OR4K1: variants seen among roughly 807,000 people sequenced by gnomAD.
OR4K1 encodes the protein olfactory receptor family 4 subfamily K member 1.
A neutral mutation model predicts 14.4 loss-of-function variants in OR4K1; 16 were observed. That is an observed-to-expected ratio of 1.11 (90% CI 0.75 to 1.68). The LOEUF (loss-of-function observed/expected upper bound fraction) is 1.68, where lower values mean the gene tolerates loss of function less well. Among genes scored for constraint, OR4K1 ranks in the 40% most tolerant of loss-of-function variants. OR4K1 has a pLI of 0.00. For missense variants in OR4K1, 548 were observed against 376.9 expected, an observed-to-expected ratio of 1.45 and a Z score of -3.76; for synonymous variants, 181 against 133.1, an observed-to-expected ratio of 1.36 and a Z score of -2.48.
At chr14:19,934,255 G>A (rs900499358) in intron 1 of OR4K1, among the ~76,000 whole-genome samples, 3 of 152,214 alleles carry the variant, frequency 2.0e-5, no homozygotes, top group Non-Finnish European at 4.4e-5. Flanking sequence ...TTTTCTCTGT[G>A]ACCAAGTGGC....
In OR4K1 at chr14:19,936,498, T is replaced by C. The variant is rs1882329145; in HGVS notation, c.832T>C (p.Cys278Arg). 6.2e-7 allele frequency: 1 copy of C among 1,613,956 alleles called. No homozygotes were observed. ...ATTTCTTTCTGTGTTCTACACTGTT[T>C]GTACTCCCTTGTTGAACCCCATCAT... ...DKFLSVFYTV[C>R]TPLLNPIIYS... Residue 278 changes from cysteine to arginine, a missense_variant, in exon 2 of 2, where the codon TGT becomes CGT. Physicochemically the swap from Cys to Arg is radical, Grantham distance 180. Coordinates refer to ENST00000641172, the MANE Select transcript of OR4K1 (RefSeq NM_001004063.3).
the OR4K1 span, chr14:19,921,371 C>T: frequency 3.1e-6 from 5 of 1,614,042 alleles, no homozygotes; most frequent in African/African-American, 6.7e-5. Flanking sequence ...GACCTTGCAT[C>T]TTCATCTATG....
the OR4K1 span, among the ~76,000 whole-genome samples, chr14:19,925,082 C>T: frequency 1.3e-5 from 2 of 152,078 alleles, no homozygotes; most frequent in East Asian, 3.8e-4. Context: ...CTCTGGTTTA[C>T]AGATCCTATA....
intron 1 of OR4K1, among the ~76,000 whole-genome samples, chr14:19,932,526 T>C (rs2138592369): frequency 6.6e-6 from 1 of 152,356 alleles, no homozygotes; most frequent in East Asian, 1.9e-4. Context: ...GTCAAGGAAC[T>C]GTTCATTCCA....
chr14:19,933,741 T>G (rs1882238784), intron 1 of OR4K1, among the ~76,000 whole-genome samples: 1 of 152,262 alleles, frequency 6.6e-6, no homozygotes, highest in South Asian at 2.1e-4. Flanking sequence ...TACAAGTGTG[T>G]GCCACCACAC....
chr14:19,921,226 C>A, the OR4K1 span: 1 of 1,614,188 alleles, frequency 6.2e-7, no homozygotes, highest in South Asian at 1.1e-5. Context: ...GGAATTCTTT[C>A]CCTAAGCACT....
intron 1 of OR4K1, among the ~76,000 whole-genome samples, chr14:19,932,926 A>G (rs1269469362): frequency 6.6e-6 from 1 of 151,720 alleles, no homozygotes; most frequent in Non-Finnish European, 1.5e-5. Flanking sequence ...TATAGCAAAT[A>G]TTAGAAAATG....
chr14:19,923,955 C>A, the OR4K1 span, among the ~76,000 whole-genome samples: 7 of 152,168 alleles, frequency 4.6e-5, no homozygotes, highest in African/African-American at 1.4e-4. Flanking sequence ...GATACAGATA[C>A]TTTTAAGTAT....
chr14:19,920,592 T>A, the OR4K1 span: 1 of 1,581,620 alleles, frequency 6.3e-7, no homozygotes, highest in South Asian at 1.2e-5. Flanking sequence ...CAGAACAAGT[T>A]TGCAGCTTGG....
At chr14:19,921,243 C>T in the OR4K1 span, 294 of 1,614,152 alleles carry the variant, frequency 1.8e-4, no homozygotes, top group Admixed American at 1.6e-3. Flanking sequence ...CACTTTCTCT[C>T]TCTTGGTCAG....
chr14:19,930,560 T>C (rs972990149), upstream of OR4K1, among the ~76,000 whole-genome samples: 1 of 152,178 alleles, frequency 6.6e-6, no homozygotes, highest in African/African-American at 2.4e-5. Context: ...CTCCTTGTGA[T>C]TGGAGGAAAC....
At chr14:19,925,925 C>T (rs1050199413), upstream of OR4K1, among the ~76,000 whole-genome samples, 3 of 152,200 alleles carry the variant, frequency 2.0e-5, no homozygotes, top group African/African-American at 7.2e-5. Context: ...CAGAGTCCTC[C>T]AGGAAAAAAC....
the OR4K1 span, chr14:19,921,524 G>C: frequency 6.2e-7 from 1 of 1,613,530 alleles, no homozygotes; most frequent in Non-Finnish European, 8.5e-7. Flanking sequence ...ACCATTACCT[G>C]AGGCCAAGGA....
the OR4K1 span, chr14:19,921,630 G>A: frequency 6.6e-7 from 1 of 1,518,774 alleles, no homozygotes; most frequent in Admixed American, 2.1e-5. Flanking sequence ...ATATTTTAAT[G>A]TATTTTTGTG....
chr14:19,920,917 T>G, the OR4K1 span: 1 of 1,614,218 alleles, frequency 6.2e-7, no homozygotes, highest in Non-Finnish European at 8.5e-7. Flanking sequence ...ATTTTCTTTA[T>G]TCACCTTTTT....
chr14:19,934,946 T>C (rs1882271206), intron 1 of OR4K1, among the ~76,000 whole-genome samples: 1 of 152,230 alleles, frequency 6.6e-6, no homozygotes, highest in Admixed American at 6.5e-5. Context: ...GTGCTGGGAT[T>C]ACAGGCATGA....
upstream of OR4K1, among the ~76,000 whole-genome samples, chr14:19,930,100 T>G (rs1882153042): frequency 6.6e-6 from 1 of 151,826 alleles, no homozygotes; most frequent in Non-Finnish European, 1.5e-5. Flanking sequence ...TTCATCACAC[T>G]AAAATATTAT....
At chr14:19,930,445 A>C (rs954291933), upstream of OR4K1, among the ~76,000 whole-genome samples, 3 of 152,250 alleles carry the variant, frequency 2.0e-5, no homozygotes, top group African/African-American at 7.2e-5. Flanking sequence ...AGCCTCTTTA[A>C]ATATTTGAAG....
upstream of OR4K1, among the ~76,000 whole-genome samples, chr14:19,930,135 A>G (rs1882154026): frequency 6.6e-6 from 1 of 152,134 alleles, no homozygotes; most frequent in African/African-American, 2.4e-5. Context: ...AAATTTATAT[A>G]TATATATGTA....
Sources: gnomAD v4.1 joint callset for allele counts (sites outside exome capture counted in the v4.1 genomes callset) on GRCh38, gnomAD v4.1.1 for gene constraint, MANE v1.5 for transcripts, NCBI Gene and HGNC (gene_info 2026-07-23, HGNC 2026-07-21) for gene names.